The following RBMS3 variants were observed in gnomAD, a reference collection of about 807,000 sequenced individuals.
The protein encoded by RBMS3 is RNA-binding motif, single-stranded-interacting protein 3.
A neutral mutation model predicts 66.8 loss-of-function variants in RBMS3; 27 were observed. That is an observed-to-expected ratio of 0.40 (90% confidence interval 0.30 to 0.56). The LOEUF is 0.56. Ranked by LOEUF, RBMS3 falls within the 20% of genes least tolerant of loss-of-function variation. The pLI, the probability that RBMS3 is intolerant of heterozygous loss-of-function variation, is 0.40. For synonymous variants in RBMS3, 188 were observed against 183.0 expected, an observed-to-expected ratio of 1.03 and a Z score of -0.22; for missense variants, 513 against 549.5, an observed-to-expected ratio of 0.93 and a Z score of 0.66.
intron 1 of RBMS3, among the ~76,000 whole-genome samples, chr3:29,312,843 C>T (rs1400346477): frequency 6.6e-6 from 1 of 151,632 alleles, no homozygotes; most frequent in Non-Finnish European, 1.5e-5. Context: ...TTTAGATAAT[C>T]CCAAGATCTT....
chr3:29,373,173 T>G (rs1347084377), intron 1 of RBMS3, among the ~76,000 whole-genome samples: 1 of 152,204 alleles, frequency 6.6e-6, no homozygotes, highest in Non-Finnish European at 1.5e-5. Flanking sequence ...TGTCATGGTC[T>G]CTTTCTGTGT....
At chr3:29,844,586 T>C (rs2058735618) in intron 6 of RBMS3, among the ~76,000 whole-genome samples, 1 of 152,236 alleles carries the variant, frequency 6.6e-6, no homozygotes, top group African/African-American at 2.4e-5. Context: ...AATGTAAATG[T>C]ATTTTCTCAA....
intron 1 of RBMS3, among the ~76,000 whole-genome samples, chr3:29,334,882 G>T (rs1162838288): frequency 1.3e-5 from 2 of 152,128 alleles, no homozygotes; most frequent in East Asian, 3.9e-4. Flanking sequence ...TTCTTCGCAT[G>T]AAATAATATG....
intron 1 of RBMS3, among the ~76,000 whole-genome samples, chr3:29,354,151 G>A (rs9814943): frequency 0.31 from 46,803 of 151,576 alleles, 7,344 homozygotes; most frequent in African/African-American, 0.38. Flanking sequence ...TTAATTGTTG[G>A]TAATTATTAA....
At chr3:29,441,323 T>C (rs1356658288) in intron 2 of RBMS3, among the ~76,000 whole-genome samples, 1 of 152,208 alleles carries the variant, frequency 6.6e-6, no homozygotes, top group African/African-American at 2.4e-5. Context: ...AAACTAGACA[T>C]AGTATTTGAT....
At chr3:29,504,914 C>T (rs1190385962) in intron 3 of RBMS3, among the ~76,000 whole-genome samples, 1 of 152,158 alleles carries the variant, frequency 6.6e-6, no homozygotes, top group East Asian at 1.9e-4. Context: ...TATTCAGGTC[C>T]TTTGCCTATT....
At chr3:29,508,308 C>T (rs9809202) in intron 3 of RBMS3, among the ~76,000 whole-genome samples, 12,538 of 152,154 alleles carry the variant, frequency 0.082, 898 homozygotes, top group East Asian at 0.36. Flanking sequence ...CCCACGAACC[C>T]ATCATCTACA....
intron 7 of RBMS3, among the ~76,000 whole-genome samples, chr3:29,870,167 T>C (rs2059455947): frequency 6.6e-6 from 1 of 152,066 alleles, no homozygotes; most frequent in Admixed American, 6.6e-5. Flanking sequence ...AGAAAGGCAG[T>C]GGGTATTACG....
intron 10 of RBMS3, among the ~76,000 whole-genome samples, chr3:29,916,396 C>G (rs548998819): frequency 1.3e-5 from 2 of 152,008 alleles, no homozygotes; most frequent in Non-Finnish European, 2.9e-5. Flanking sequence ...TATGCTTTTT[C>G]CCCCATTTTG....
intron 1 of RBMS3, among the ~76,000 whole-genome samples, chr3:29,331,374 A>G (rs2035643749): frequency 2.6e-5 from 4 of 152,128 alleles, no homozygotes; most frequent in Admixed American, 2.6e-4. Context: ...AGTTAAGACG[A>G]ACTCCAATAT....
At chr3:29,420,871 G>A (rs185896877) in intron 1 of RBMS3, among the ~76,000 whole-genome samples, 3,194 of 151,710 alleles carry the variant, frequency 0.021, 60 homozygotes, top group Middle Eastern at 0.037. Context: ...TTGGGAGGCC[G>A]AGGCGGGTGG....
At chr3:29,692,842 CTCTTT>C (rs2052091997) in intron 4 of RBMS3, among the ~76,000 whole-genome samples, 1 of 152,124 alleles carries the variant, frequency 6.6e-6, no homozygotes, top group Non-Finnish European at 1.5e-5. Flanking sequence ...TAATCATGCT[CTCTTT>C]TCTTTAGGAT....
intron 4 of RBMS3, among the ~76,000 whole-genome samples, chr3:29,699,256 T>C (rs555165227): frequency 7.5e-4 from 114 of 152,230 alleles, no homozygotes; most frequent in African/African-American, 2.6e-3. Context: ...TTCAAGCAAT[T>C]CTCCTGCCTC....
intron 4 of RBMS3, among the ~76,000 whole-genome samples, chr3:29,657,160 G>C (rs1034572300): frequency 1.3e-5 from 2 of 152,176 alleles, no homozygotes; most frequent in Non-Finnish European, 2.9e-5. Flanking sequence ...AAGGGGACCT[G>C]ATTTTGGTCA....
chr3:29,939,386 A>AT (rs2061339568), intron 11 of RBMS3, among the ~76,000 whole-genome samples: 2 of 151,956 alleles, frequency 1.3e-5, no homozygotes, highest in African/African-American at 4.8e-5. Flanking sequence ...TTTTGGGCAA[A>AT]TAGAAGTGAG....
intron 6 of RBMS3, among the ~76,000 whole-genome samples, chr3:29,835,376 A>G (rs2058477907): frequency 6.6e-6 from 1 of 152,006 alleles, no homozygotes; most frequent in Admixed American, 6.6e-5. Context: ...AATAGATCAT[A>G]TGTTAATCCA....
At chr3:29,668,324 C>T (rs929830062) in intron 4 of RBMS3, among the ~76,000 whole-genome samples, 11 of 152,218 alleles carry the variant, frequency 7.2e-5, no homozygotes, top group African/African-American at 2.7e-4. Flanking sequence ...TCTAACACTG[C>T]TGTAGGACTC....
At chr3:29,729,301 C>A (rs1330644786) in intron 4 of RBMS3, among the ~76,000 whole-genome samples, 2 of 152,056 alleles carry the variant, frequency 1.3e-5, no homozygotes, top group South Asian at 2.1e-4. Flanking sequence ...ATCCATGTCC[C>A]TGAAAAGGAC....
rs80325512 is a variant in RBMS3 at position 29,431,136 on chromosome 3, A to G, written c.76-3607A>G. 2.5e-3 allele frequency among the ~76,000 whole-genome samples: 381 copies of G among 152,302 alleles called. 4 individuals carry two copies. The highest frequency in any genetic ancestry group is 8.9e-3 in the African/African-American group (369 of 41,546). ...GCTTTCTGTAGATATTAAATTTCAAAAGGCAATGAATATATTCTATTTAAT... is the reference window on the plus strand; with the variant it reads ...GCTTTCTGTAGATATTAAATTTCAAGAGGCAATGAATATATTCTATTTAAT... On this transcript the variant is annotated intron_variant, in intron 1 of 14. Transcript: ENST00000383767.
Sources: gnomAD v4.1 joint callset for allele counts (sites outside exome capture counted in the v4.1 genomes callset) on GRCh38, gnomAD v4.1.1 for gene constraint, MANE v1.5 for transcripts, NCBI Gene and HGNC (gene_info 2026-07-23, HGNC 2026-07-21) for gene names.